CTNNA2: variants seen among roughly 807,000 people sequenced by gnomAD.
CTNNA2 encodes catenin alpha-2.
Under a neutral mutation model 101.0 loss-of-function variants are expected in CTNNA2, and 42 were observed. That is an observed-to-expected ratio of 0.42 (90% CI 0.32 to 0.54). The LOEUF is 0.54. Among genes scored for constraint, CTNNA2 ranks in the 20% least tolerant of loss-of-function variants. The pLI, the probability that CTNNA2 is intolerant of heterozygous loss-of-function variation, is 0.14. For missense variants in CTNNA2, 871 were observed against 1,223.1 expected, an observed-to-expected ratio of 0.71 and a Z score of 4.29; for synonymous variants, 450 against 456.4, an observed-to-expected ratio of 0.99 and a Z score of 0.18.
intron 9 of CTNNA2, among the ~76,000 whole-genome samples, chr2:80,476,564 G>T (rs1313803103): frequency 1.3e-5 from 2 of 152,118 alleles, no homozygotes; most frequent in South Asian, 2.1e-4. Flanking sequence ...GTATTGAGGG[G>T]TTTAAGAATT....
chr2:80,288,210 C>A (rs149505569), intron 7 of CTNNA2: 2 of 152,020 alleles, frequency 1.3e-5, no homozygotes, highest in Non-Finnish European at 2.9e-5. Context: ...AACCTCCAAG[C>A]GATCACCAGA....
At chr2:79,762,832 C>A (rs1672886739) in intron 3 of CTNNA2, among the ~76,000 whole-genome samples, 1 of 152,246 alleles carries the variant, frequency 6.6e-6, no homozygotes, top group East Asian at 1.9e-4. Context: ...CTGTAAAGTT[C>A]TCATGAGGTT....
At chr2:79,685,635 C>T (rs1008040920) in intron 2 of CTNNA2, among the ~76,000 whole-genome samples, 1 of 152,178 alleles carries the variant, frequency 6.6e-6, no homozygotes, top group Non-Finnish European at 1.5e-5. Flanking sequence ...CTTCTGCTCA[C>T]ATCCTATATC....
chr2:79,439,952 A>G (rs956057461), intron 4 of CTNNA2, among the ~76,000 whole-genome samples: 1 of 152,122 alleles, frequency 6.6e-6, no homozygotes, highest in Non-Finnish European at 1.5e-5. Flanking sequence ...GCGAAGGTAA[A>G]CTATTAGATT....
intron 7 of CTNNA2, among the ~76,000 whole-genome samples, chr2:80,226,199 A>G (rs181016424): frequency 1.3e-5 from 2 of 152,308 alleles, no homozygotes; most frequent in East Asian, 3.9e-4. Context: ...AAAACAGCTC[A>G]TTTGGATAAT....
chr2:80,517,667 G>A (rs1689207970), intron 9 of CTNNA2, among the ~76,000 whole-genome samples: 1 of 152,328 alleles, frequency 6.6e-6, no homozygotes, highest in Admixed American at 6.5e-5. Context: ...TAGAGAGAAT[G>A]TCTAGAGCCG....
chr2:80,505,636 G>A (rs1688216942), intron 9 of CTNNA2, among the ~76,000 whole-genome samples: 1 of 152,238 alleles, frequency 6.6e-6, no homozygotes, highest in East Asian at 1.9e-4. Flanking sequence ...CCACAACAGT[G>A]GGCATATGTA....
chr2:80,392,114 G>A (rs77162008), intron 7 of CTNNA2, among the ~76,000 whole-genome samples: 3,238 of 152,232 alleles, frequency 0.021, 63 homozygotes, highest in South Asian at 0.053. Flanking sequence ...ATTTTGTCAC[G>A]GAAAGAGAAC....
At chr2:79,209,717 T>C (rs1674144928) in intron 2 of CTNNA2, among the ~76,000 whole-genome samples, 1 of 152,258 alleles carries the variant, frequency 6.6e-6, no homozygotes. Flanking sequence ...TTAAAAGAGC[T>C]TATCTATCAG....
chr2:80,501,185 T>C (rs931238120), intron 9 of CTNNA2, among the ~76,000 whole-genome samples: 3 of 152,244 alleles, frequency 2.0e-5, no homozygotes. Flanking sequence ...ATCTTAATGA[T>C]TATATCCCTT....
intron 4 of CTNNA2, among the ~76,000 whole-genome samples, chr2:79,374,303 A>T (rs1677936804): frequency 6.6e-6 from 1 of 152,248 alleles, no homozygotes; most frequent in South Asian, 2.1e-4. Flanking sequence ...GAGATATAGA[A>T]AGACATGCAA....
At chr2:79,327,315 G>T (rs542599232) in intron 3 of CTNNA2, among the ~76,000 whole-genome samples, 2 of 152,108 alleles carry the variant, frequency 1.3e-5, no homozygotes, top group African/African-American at 4.8e-5. Flanking sequence ...TATTTTGCCC[G>T]AAGCATAAAC....
At chr2:80,517,665 A>T (rs1447747933) in intron 9 of CTNNA2, among the ~76,000 whole-genome samples, 2 of 152,188 alleles carry the variant, frequency 1.3e-5, no homozygotes, top group African/African-American at 4.8e-5. Flanking sequence ...TGTAGAGAGA[A>T]TGTCTAGAGC....
intron 13 of CTNNA2, among the ~76,000 whole-genome samples, chr2:80,578,679 G>A (rs971999327): frequency 5.9e-5 from 9 of 152,162 alleles, no homozygotes; most frequent in Admixed American, 3.3e-4. Context: ...ATTTGTGATG[G>A]TTAAAATCAT....
rs144307790 is a variant in CTNNA2 at position 79,485,963 on chromosome 2, C to T, written c.-134-19091C>T. Among the ~76,000 whole-genome samples the T allele has an allele frequency of 3.9e-5, 6 of 152,070 alleles. No individual in the cohort carries two copies. The East Asian group carries it at 5.8e-4, about 15-fold the overall frequency. ...CTGATGATCTTTTTTGGATGACCAT[C>T]GTGTAAGTGGAGAGTAGAATCATTT... On this transcript the variant is annotated intron_variant, in intron 4 of 21. Coordinates refer to the CTNNA2 transcript ENST00000466387.
chr2:79,837,748 GT>G (rs201017036), intron 3 of CTNNA2, among the ~76,000 whole-genome samples: 4 of 150,242 alleles, frequency 2.7e-5, no homozygotes, highest in African/African-American at 7.3e-5. Context: ...TAGAAAGTGT[GT>G]TTTTTTTTAA....
In CTNNA2 at chr2:80,567,878, T is replaced by C. The variant is rs74799289; in HGVS notation, c.1742-6285T>C. Reference sequence around the variant, plus strand: ...GTTATTTTTAGATTCCTTTCAATGCTCTTTTTTTTATTTTATGTTAACAGT... The same window carrying C: ...GTTATTTTTAGATTCCTTTCAATGCCCTTTTTTTTATTTTATGTTAACAGT... On this transcript the variant is annotated intron_variant, in intron 12 of 18. Coordinates refer to ENST00000402739, the MANE Select transcript of CTNNA2 (RefSeq NM_001282597.3). 1.2e-4 allele frequency among the ~76,000 whole-genome samples: 18 copies of C among 152,272 alleles called. No individual in the cohort carries two copies. The East Asian group carries it at 3.3e-3, about 28-fold the overall frequency.
At chr2:79,217,452 G>A (rs888914410) in intron 2 of CTNNA2, among the ~76,000 whole-genome samples, 9 of 152,178 alleles carry the variant, frequency 5.9e-5, no homozygotes, top group South Asian at 2.1e-4. Context: ...TAAGATTTGG[G>A]TAGGTAAAGG....
intron 9 of CTNNA2, among the ~76,000 whole-genome samples, chr2:80,529,749 C>A (rs900866432): frequency 1.3e-5 from 2 of 152,136 alleles, no homozygotes; most frequent in Admixed American, 6.5e-5. Context: ...CTCTCTGGTA[C>A]TATTAGTCAG....
Sources: allele counts gnomAD v4.1 joint callset (sites outside exome capture counted in the v4.1 genomes callset), GRCh38; gene constraint gnomAD v4.1.1; transcripts MANE v1.5; gene names NCBI Gene and HGNC (gene_info 2026-07-23, HGNC 2026-07-21).